CDH6: variants seen among roughly 807,000 people sequenced by gnomAD.
The protein encoded by CDH6 is cadherin 6.
A neutral mutation model predicts 78.0 loss-of-function variants in CDH6; 31 were observed. That is an observed-to-expected ratio of 0.40 (90% CI 0.30 to 0.54). CDH6 has a LOEUF of 0.54. Ranked by LOEUF, CDH6 falls within the 20% of genes least tolerant of loss-of-function variation. CDH6 has a pLI of 0.56. For missense variants in CDH6, 724 were observed against 975.9 expected, an observed-to-expected ratio of 0.74 and a Z score of 3.44; for synonymous variants, 376 against 368.8, an observed-to-expected ratio of 1.02 and a Z score of -0.23.
At chr5:31,312,945 GCACACACA>G (rs3028834) in intron 7 of CDH6, among the ~76,000 whole-genome samples, 3 of 149,202 alleles carry the variant, frequency 2.0e-5, no homozygotes, top group African/African-American at 7.4e-5. Flanking sequence ...ATGCATACAA[GCACACACA>G]CACACACACA....
chr5:31,314,960 T>C (rs997242102), intron 8 of CDH6, among the ~76,000 whole-genome samples: 2 of 152,164 alleles, frequency 1.3e-5, no homozygotes, highest in African/African-American at 2.4e-5. Flanking sequence ...AATCTTACTG[T>C]CTAATCTTCT....
chr5:31,208,791 GT>G (rs1740611507), intron 1 of CDH6, among the ~76,000 whole-genome samples: 1 of 152,194 alleles, frequency 6.6e-6, no homozygotes, highest in South Asian at 2.1e-4. Context: ...CCTTGGAAAT[GT>G]TTCTTGAGTT....
intron 2 of CDH6, among the ~76,000 whole-genome samples, chr5:31,279,334 G>A (rs368571932): frequency 1.3e-5 from 2 of 152,138 alleles, no homozygotes; most frequent in African/African-American, 4.8e-5. Context: ...TTGGGAGGCC[G>A]AGGTGGGTGG....
At chr5:31,221,639 A>T (rs1298361474) in intron 1 of CDH6, among the ~76,000 whole-genome samples, 1 of 152,236 alleles carries the variant, frequency 6.6e-6, no homozygotes, top group African/African-American at 2.4e-5. Context: ...AGTTATGATG[A>T]AACTTGATGA....
intron 1 of CDH6, among the ~76,000 whole-genome samples, chr5:31,209,421 C>T (rs1740630554): frequency 6.6e-6 from 1 of 152,186 alleles, no homozygotes; most frequent in South Asian, 2.1e-4. Flanking sequence ...GGCATCCTCT[C>T]CCACACTGCA....
chr5:31,249,596 A>G (rs1167026640), intron 1 of CDH6: 1 of 152,286 alleles, frequency 6.6e-6, no homozygotes, highest in Admixed American at 6.5e-5. Context: ...AGAGCCTGGG[A>G]TCAAAGTTAT....
chr5:31,239,576 A>C (rs1217059163), intron 1 of CDH6, among the ~76,000 whole-genome samples: 2 of 152,244 alleles, frequency 1.3e-5, no homozygotes, highest in Non-Finnish European at 2.9e-5. Flanking sequence ...ACCTATTTAC[A>C]AATGAGTGGC....
chr5:31,267,826 AC>A, intron 2 of CDH6, 125 bp downstream of exon 2: 1 of 721,868 alleles, frequency 1.4e-6, no homozygotes, highest in Non-Finnish European at 2.3e-6. Flanking sequence ...AACTGGTAAG[AC>A]TTTTTTTTTT....
At chr5:31,313,731 C>CA (rs1284788820) in intron 8 of CDH6, among the ~76,000 whole-genome samples, 3 of 151,680 alleles carry the variant, frequency 2.0e-5, no homozygotes, top group Non-Finnish European at 2.9e-5. Context: ...GATTTAATTC[C>CA]AAAAAAGCTT....
chr5:31,266,556 A>T (rs1454945392), intron 1 of CDH6, among the ~76,000 whole-genome samples: 1 of 152,150 alleles, frequency 6.6e-6, no homozygotes, highest in East Asian at 1.9e-4. Flanking sequence ...AGAATCGCTC[A>T]TTTAATTCTT....
chr5:31,286,245 A>G (rs768176294), intron 2 of CDH6, among the ~76,000 whole-genome samples: 34 of 152,194 alleles, frequency 2.2e-4, no homozygotes, highest in Admixed American at 1.4e-3. Context: ...TGAACCTGCA[A>G]TCTAGCTTGG....
At chr5:31,265,767 A>ATT (rs1561049205) in intron 1 of CDH6, among the ~76,000 whole-genome samples, 14 of 112,460 alleles carry the variant, frequency 1.2e-4, no homozygotes, top group African/African-American at 2.7e-4. Flanking sequence ...ATTTAAGACA[A>ATT]TGTTTTTTTT....
At chr5:31,276,168 C>T (rs1742688112) in intron 2 of CDH6, among the ~76,000 whole-genome samples, 1 of 152,194 alleles carries the variant, frequency 6.6e-6, no homozygotes, top group African/African-American at 2.4e-5. Flanking sequence ...GCAAACCTTT[C>T]TTTCCATCTA....
chr5:31,302,911 G>GAAAGAAAGAA (rs1737846413), intron 6 of CDH6, among the ~76,000 whole-genome samples: 1 of 101,432 alleles, frequency 9.9e-6, no homozygotes, highest in African/African-American at 3.2e-5. Context: ...AAAAAAGAAA[G>GAAAGAAAGAA]AAAGAAAGAA....
chr5:31,303,381 A>T (rs1737887996), intron 6 of CDH6, among the ~76,000 whole-genome samples: 1 of 152,240 alleles, frequency 6.6e-6, no homozygotes, highest in South Asian at 2.1e-4. Context: ...TCACAAAAAG[A>T]GGATGTATAA....
chr5:31,207,731 T>C (rs1740571148), intron 1 of CDH6, among the ~76,000 whole-genome samples: 1 of 152,242 alleles, frequency 6.6e-6, no homozygotes, highest in Non-Finnish European at 1.5e-5. Context: ...ACAACATTTA[T>C]ATACCTCTCT....
chr5:31,279,292 G>A (rs1440006555), intron 2 of CDH6, among the ~76,000 whole-genome samples: 2 of 152,094 alleles, frequency 1.3e-5, no homozygotes, highest in African/African-American at 4.8e-5. Flanking sequence ...TCATGGCTGG[G>A]CACAATGGCT....
intron 1 of CDH6, among the ~76,000 whole-genome samples, chr5:31,245,267 C>T (rs536551970): frequency 1.3e-5 from 2 of 152,358 alleles, no homozygotes; most frequent in African/African-American, 4.8e-5. Context: ...GGAGAGATTA[C>T]TTCCATCAAA....
chr5:31,305,259 G>A lies in CDH6; in HGVS notation c.1085G>A (p.Gly362Glu). ...PYVEPRFLYL[G>E]PFKDSATVRI... is the part of the protein sequence containing the mutation. The stretch of plus-strand genomic sequence containing the variant: ...GTTGAGCCACGATTTCTCTACTTGG[G>A]GCCTTTCAAAGATTCAGCCACGGTT... Residue 362 changes from glycine to glutamate, a missense_variant, in exon 7 of 12, where the codon GGG becomes GAG. Physicochemically the swap from Gly to Glu is moderately conservative, Grantham distance 98. Transcript: ENST00000265071. 6.2e-7 allele frequency: 1 copy of A among 1,614,028 alleles called. No homozygotes were observed. Among genetic ancestry groups the A allele is most frequent in the Non-Finnish European group, 8.5e-7 (1 of 1,179,998 alleles).
Sources: gnomAD v4.1 joint callset for allele counts (sites outside exome capture counted in the v4.1 genomes callset) on GRCh38, gnomAD v4.1.1 for gene constraint, MANE v1.5 for transcripts, NCBI Gene and HGNC (gene_info 2026-07-23, HGNC 2026-07-21) for gene names.